Variants in SIM1 observed in about 807,000 individuals in gnomAD.
The protein encoded by SIM1 is SIM bHLH transcription factor 1.
In SIM1, 18 loss-of-function variants were observed where a neutral mutation model predicts 78.2. The observed-to-expected ratio is 0.23, with a 90% confidence interval of 0.16 to 0.34. SIM1 has a LOEUF of 0.34. SIM1 is among the 10% of genes least tolerant of loss of function. The pLI is 1.00. For missense variants in SIM1, 939 were observed against 975.1 expected, an observed-to-expected ratio of 0.96 and a Z score of 0.49; for synonymous variants, 417 against 385.2, an observed-to-expected ratio of 1.08 and a Z score of -0.97.
chr6:100,445,789 C>T (rs558156158), intron 9 of SIM1, among the ~76,000 whole-genome samples: 10 of 152,072 alleles, frequency 6.6e-5, no homozygotes, highest in Non-Finnish European at 1.3e-4. Flanking sequence ...AAAGAATGTC[C>T]GTTTCCTTTC....
At chr6:100,437,975 C>G (rs1297769647) in intron 9 of SIM1, among the ~76,000 whole-genome samples, 2 of 152,092 alleles carry the variant, frequency 1.3e-5, no homozygotes, top group Admixed American at 1.3e-4. Context: ...CAAGAAGGAT[C>G]AAAGACTTAA....
intron 5 of SIM1, 58 bp downstream of exon 5, chr6:100,449,533 G>A: frequency 1.3e-6 from 2 of 1,591,402 alleles, no homozygotes; most frequent in Non-Finnish European, 8.6e-7. Context: ...ACTAATTGGG[G>A]AAAAACCACA....
intron 10 of SIM1, among the ~76,000 whole-genome samples, chr6:100,412,695 GAAAGAA>G: frequency 1.3e-5 from 1 of 79,428 alleles, no homozygotes; most frequent in South Asian, 3.9e-4. Context: ...AAGAAAGAAA[GAAAGAA>G]AGAAAGAAAG....
intron 10 of SIM1, chr6:100,396,082 T>C (rs117904127): frequency 0.01 from 10,311 of 984,712 alleles, 59 homozygotes; most frequent in Non-Finnish European, 0.012. Context: ...CATGCCATCA[T>C]CCTCTTCTTC....
intron 2 of SIM1, among the ~76,000 whole-genome samples, chr6:100,454,896 C>T (rs1239217805): frequency 6.6e-6 from 1 of 152,152 alleles, no homozygotes; most frequent in Non-Finnish European, 1.5e-5. Context: ...TTTAATAGTG[C>T]TGCTGCTAAA....
intron 6 of SIM1, 89 bp downstream of exon 6, chr6:100,449,274 C>A: frequency 9.0e-7 from 1 of 1,115,240 alleles, no homozygotes; most frequent in African/African-American, 1.5e-5. Context: ...GCGGGTAGTC[C>A]CAGAGGTAGG....
chr6:100,411,744 T>A (rs565154808), intron 10 of SIM1, among the ~76,000 whole-genome samples: 1 of 152,192 alleles, frequency 6.6e-6, no homozygotes, highest in African/African-American at 2.4e-5. Flanking sequence ...AGATATGACA[T>A]GTCTAGAAGG....
chr6:100,428,212 A>G (rs1379114305), intron 9 of SIM1, among the ~76,000 whole-genome samples: 4 of 152,194 alleles, frequency 2.6e-5, no homozygotes, highest in Non-Finnish European at 5.9e-5. Flanking sequence ...ATTATAATTC[A>G]GGCTCAGCAT....
Position 100,390,742 on chromosome 6 carries a change from C to T in SIM1, c.1920G>A (p.Met640Ile), listed in dbSNP as rs747529914. Residue 640 changes from methionine (M) to isoleucine (I), a missense_variant, in exon 12 of 12, where the codon ATG becomes ATA. This residue lies in a region of SIM1 where 556 missense variants were observed against 521.9 expected (regional missense o/e 1.07). Coordinates refer to ENST00000369208, the MANE Select transcript of SIM1 (RefSeq NM_005068.3). ...CDHIQQREGK[M>I]LSPHENDYDN... is the part of the protein sequence containing the mutation. ...CATAGTCATTTTCATGGGGGCTCAA[C>T]ATTTTTCCCTCTCTCTGCTGGATAT... is the stretch of plus-strand genomic sequence containing the variant. 1.2e-6 allele frequency: 2 copies of T among 1,614,072 alleles called. No individual in the cohort carries two copies. Among genetic ancestry groups the T allele is most frequent in the Non-Finnish European group, 8.5e-7 (1 of 1,180,022 alleles).
At chr6:100,438,234 A>G (rs1458322491) in intron 9 of SIM1, among the ~76,000 whole-genome samples, 1 of 152,216 alleles carries the variant, frequency 6.6e-6, no homozygotes, top group South Asian at 2.1e-4. Context: ...CGAGTATTCA[A>G]AATTTTCAAG....
chr6:100,428,369 A>G (rs1474845844), intron 9 of SIM1, among the ~76,000 whole-genome samples: 1 of 152,222 alleles, frequency 6.6e-6, no homozygotes, highest in Admixed American at 6.5e-5. Context: ...TAAATACAAT[A>G]TATCTACAAT....
intron 9 of SIM1, among the ~76,000 whole-genome samples, chr6:100,432,007 C>G (rs1771914894): frequency 6.6e-6 from 1 of 152,056 alleles, no homozygotes; most frequent in South Asian, 2.1e-4. Flanking sequence ...TTAGCCAGAC[C>G]TAGTGGTGCA....
At chr6:100,458,013 TCTCTCTCTCTCTCTC>T (rs1772722012) in intron 2 of SIM1, among the ~76,000 whole-genome samples, 75 of 12,406 alleles carry the variant, frequency 6.0e-3, no homozygotes, top group Middle Eastern at 0.042. Flanking sequence ...TCTTTCTCTC[TCTCTCTCTCTCTCTC>T]TCTCTCTCTC....
intron 9 of SIM1, among the ~76,000 whole-genome samples, chr6:100,425,453 A>G (rs1771702799): frequency 6.6e-6 from 1 of 152,160 alleles, no homozygotes; most frequent in Non-Finnish European, 1.5e-5. Flanking sequence ...CTCTGAGAGG[A>G]ATTTGGCCTT....
chr6:100,458,210 C>G (rs1239084778), intron 2 of SIM1, among the ~76,000 whole-genome samples: 1 of 152,146 alleles, frequency 6.6e-6, no homozygotes, highest in African/African-American at 2.4e-5. Flanking sequence ...CAGACTAAAA[C>G]TGGGGGCGAA....
intron 9 of SIM1, among the ~76,000 whole-genome samples, chr6:100,434,625 C>T (rs527893403): frequency 1.9e-4 from 29 of 152,292 alleles, no homozygotes; most frequent in Non-Finnish European, 4.0e-4. Flanking sequence ...CCTTTGTTAA[C>T]GGTTTTCAGT....
At chr6:100,446,835 T>G (rs1409824067) in intron 9 of SIM1, among the ~76,000 whole-genome samples, 4 of 152,210 alleles carry the variant, frequency 2.6e-5, no homozygotes, top group Non-Finnish European at 5.9e-5. Flanking sequence ...CTCTTAACTT[T>G]GATTGGAGAC....
At chr6:100,430,098 T>C (rs1771862975) in intron 9 of SIM1, among the ~76,000 whole-genome samples, 1 of 152,332 alleles carries the variant, frequency 6.6e-6, no homozygotes, top group East Asian at 1.9e-4. Flanking sequence ...AGTCTTGTCA[T>C]GTAGTTTCTT....
At chr6:100,438,693 A>G (rs1772124504) in intron 9 of SIM1, among the ~76,000 whole-genome samples, 1 of 152,364 alleles carries the variant, frequency 6.6e-6, no homozygotes, top group South Asian at 2.1e-4. Flanking sequence ...TTGCAATTGC[A>G]AAGATATGGA....
Sources: gnomAD v4.1 joint callset for allele counts (sites outside exome capture counted in the v4.1 genomes callset) on GRCh38, gnomAD v4.1.1 for gene constraint, gnomAD v4.1.1 regional missense constraint, MANE v1.5 for transcripts, NCBI Gene and HGNC (gene_info 2026-07-23, HGNC 2026-07-21) for gene names.